Variants in PLEKHM1 observed in about 807,000 individuals in gnomAD.
The protein encoded by PLEKHM1 is pleckstrin homology domain-containing family M member 1.
A neutral mutation model predicts 94.3 loss-of-function variants in PLEKHM1; 28 were observed. The observed-to-expected ratio is 0.30, with a 90% confidence interval of 0.22 to 0.41. The LOEUF is 0.41. Ranked by LOEUF, PLEKHM1 falls within the 10% of genes least tolerant of loss-of-function variation. PLEKHM1 has a pLI of 1.00. For missense variants in PLEKHM1, 907 were observed against 1,358.6 expected (o/e 0.67, Z 5.22); for synonymous variants, 424 against 581.2 (o/e 0.73, Z 3.89).
At chr17:45,439,318 G>A (rs2050365448) in intron 11 of PLEKHM1, among the ~76,000 whole-genome samples, 159 bp downstream of exon 11, 1 of 152,232 alleles carries the variant, frequency 6.6e-6, no homozygotes, top group Non-Finnish European at 1.5e-5. Flanking sequence ...CAGAGCATGG[G>A]CTGCCCCAAC....
At position 45,437,365 on chromosome 17, in the gene PLEKHM1, C is replaced by T. The variant is rs1368010571; in HGVS notation, c.*493G>A. 1 of 454,138 alleles carries T rather than the reference C, an allele frequency of 2.2e-6. No individual in the cohort carries two copies. Among genetic ancestry groups the T allele is most frequent in the Admixed American group, 2.3e-5 (1 of 42,568 alleles). The allele number at this position is 454,138 out of a possible 1,614,324, so 28.1% of individuals were successfully genotyped here. ...CCTCTAAGCCAGGCCTGAGTGGCTC[C>T]TGTGCATCCGCTGGGGGTGAGAATG... On this transcript the variant is annotated 3_prime_UTR_variant, in exon 12 of 12. Transcript: ENST00000430334. This position sits in a 1 kb window ranked among gnomAD's most constrained non-coding sequence, Gnocchi z 4.0.
chr17:45,475,446 A>T lies in PLEKHM1; in HGVS notation c.577T>A (p.Leu193Met). 6.5e-7 allele frequency: 1 copy of T among 1,529,920 alleles called. No homozygotes were observed. The highest frequency in any genetic ancestry group is 9.1e-7 in the Non-Finnish European group (1 of 1,104,174). The allele number at this position is 1,529,920 out of a possible 1,614,324, so 94.8% of individuals were successfully genotyped here. A position where few individuals can be genotyped will look rare whatever the true frequency, so the allele number is the denominator to read the frequency against. ...AILNEWTLTP[L>M]ALSGLCPLSE... ...AGCGGGCAAAGCCCAGACAGGGCCAATGGGGTGAGCGTCCACTCATTTAAG... is the reference window on the plus strand; with the variant it reads ...AGCGGGCAAAGCCCAGACAGGGCCATTGGGGTGAGCGTCCACTCATTTAAG... The change falls in exon 4 of 12, where the codon TTG becomes ATG. Residue 193 changes from leucine to methionine, a missense_variant. Coordinates refer to ENST00000430334, the MANE Select transcript of PLEKHM1 (RefSeq NM_014798.3).
At chr17:45,439,158 C>T (rs2050361344) in intron 11 of PLEKHM1, among the ~76,000 whole-genome samples, 1 of 152,226 alleles carries the variant, frequency 6.6e-6, no homozygotes, top group Admixed American at 6.5e-5. Flanking sequence ...CCCTCCTCAA[C>T]CCATGCATAC....
rs760190921 is a variant in PLEKHM1, at chr17:45,468,544, C to T, written c.973G>A (p.Gly325Arg). Residue 325 changes from glycine to arginine, a missense_variant, in exon 5 of 12, where the codon GGA (glycine) becomes AGA (arginine). By Grantham distance (125) the Gly-to-Arg change is moderately radical. Transcript: ENST00000430334. The stretch of plus-strand genomic sequence containing the variant: ...GGGATCTCTGTTTCTTGGCTCAGTC[C>T]GTTGGTTGGCACAGAGTTTACCTGG... The part of the protein sequence containing the change: ...KAQVNSVPTN[G>R]LSQETEIPTP... 15 of 1,614,024 alleles carry T rather than the reference C, an allele frequency of 9.3e-6. No homozygotes were observed. The highest frequency in any genetic ancestry group is 1.3e-5 in the African/African-American group (1 of 74,896).
chr17:45,438,979 G>A (rs1451786419), intron 11 of PLEKHM1, among the ~76,000 whole-genome samples: 1 of 152,252 alleles, frequency 6.6e-6, no homozygotes, highest in Admixed American at 6.5e-5. Context: ...ATGGGTTGCA[G>A]GAAGGTCTGG....
At chr17:45,434,752 CT>C (rs2145137663), downstream of PLEKHM1, among the ~76,000 whole-genome samples, 1 of 152,158 alleles carries the variant, frequency 6.6e-6, no homozygotes, top group Admixed American at 6.5e-5. Context: ...GGTACATCAG[CT>C]ATTATGACTA....
chr17:45,438,064 G>A (rs1215153616), intron 11 of PLEKHM1, 95 bp from the exon 12 acceptor site: 9 of 877,528 alleles, frequency 1.0e-5, no homozygotes, highest in East Asian at 5.1e-5. Flanking sequence ...CCCACGATAC[G>A]GCTGTGATGT....
chr17:45,472,105 G>A (rs2051532314), intron 4 of PLEKHM1, among the ~76,000 whole-genome samples: 1 of 151,832 alleles, frequency 6.6e-6, no homozygotes. Context: ...AGGAATTTAT[G>A]TCTAATTTAA....
intron 8 of PLEKHM1, among the ~76,000 whole-genome samples, chr17:45,450,058 C>T (rs2050729924): frequency 6.6e-6 from 1 of 150,440 alleles, no homozygotes; most frequent in Non-Finnish European, 1.5e-5. Context: ...ACCATCTGCT[C>T]ATCCACCTAA....
In PLEKHM1 at chr17:45,444,350, C is replaced by T. The variant is rs146293243; in HGVS notation, c.2837+1120G>A. On this transcript the variant is annotated intron_variant, in intron 9 of 11. Transcript: ENST00000430334. The surrounding 1 kb of genome is among the most constrained non-coding windows in gnomAD (Gnocchi z 5.0). ...AGCCCTGGGAAGACTGCAGCCTGGG[C>T]GTGACCTGAGGACTAGGAAGCGTTT... Among the ~76,000 whole-genome samples the T allele has an allele frequency of 2.0e-5, 3 of 152,286 alleles. No individual in the cohort carries two copies. Among genetic ancestry groups the T allele is most frequent in the South Asian group, 2.1e-4 (1 of 4,824 alleles).
chr17:45,486,350 A>G (rs1214485257), intron 1 of PLEKHM1, among the ~76,000 whole-genome samples: 1 of 151,648 alleles, frequency 6.6e-6, no homozygotes, highest in Non-Finnish European at 1.5e-5. Context: ...TGGGAGGCCG[A>G]GGCGGGTGGA....
intron 1 of PLEKHM1, among the ~76,000 whole-genome samples, chr17:45,488,228 A>C (rs1210062851): frequency 6.6e-6 from 1 of 152,146 alleles, no homozygotes; most frequent in African/African-American, 2.4e-5. Flanking sequence ...AGTATCACCC[A>C]GCTTTCCTGT....
intron 2 of PLEKHM1, among the ~76,000 whole-genome samples, chr17:45,481,860 A>G (rs572871464): frequency 7.9e-5 from 12 of 152,278 alleles, no homozygotes; most frequent in Admixed American, 3.3e-4. Context: ...CCCGAAAGCC[A>G]TCTCAGGATG....
chr17:45,439,968 C>T, intron 10 of PLEKHM1, 195 bp downstream of exon 10: 1 of 648,798 alleles, frequency 1.5e-6, no homozygotes, highest in Non-Finnish European at 2.7e-6. Flanking sequence ...CTTGTTTATT[C>T]CAGGGGTGCT....
At chr17:45,440,099 T>G (rs766368918) in intron 10 of PLEKHM1, 64 bp downstream of exon 10, 6 of 1,448,410 alleles carry the variant, frequency 4.1e-6, no homozygotes, top group Non-Finnish European at 5.8e-6. Flanking sequence ...CCATCTTCCT[T>G]GCTGACTTCT....
At chr17:45,473,641 C>T (rs2051595265) in intron 4 of PLEKHM1, among the ~76,000 whole-genome samples, 1 of 151,880 alleles carries the variant, frequency 6.6e-6, no homozygotes, top group Admixed American at 6.6e-5. Context: ...TCACTGCAAG[C>T]TCCGCCTCCT....
At chr17:45,477,297 G>A (rs909843112) in intron 3 of PLEKHM1, 6 of 166,244 alleles carry the variant, frequency 3.6e-5, no homozygotes, top group Admixed American at 2.8e-4. Context: ...AGCTGGGCGT[G>A]ATGGTGCGCG....
Position 45,458,341 on chromosome 17 carries a change from C to A in PLEKHM1, c.1407G>T (p.Gly469=), listed in dbSNP as rs1395518663. ...GGAGACCAGGCCTTGACCCTGGAGTCCCCCTGTAAGAAGCTATTGGGTGGT... is the reference window on the plus strand; with the variant it reads ...GGAGACCAGGCCTTGACCCTGGAGTACCCCTGTAAGAAGCTATTGGGTGGT... ...ASDHPIASYR[G]TPGSRPGLHR... is the part of the protein sequence containing the mutation. Residue 469 remains glycine (G), a synonymous_variant, in exon 6 of 12, where the codon GGG becomes GGT. Coordinates refer to ENST00000430334, the MANE Select transcript of PLEKHM1 (RefSeq NM_014798.3). The A allele has an allele frequency of 6.2e-7, 1 of 1,613,954 alleles. No homozygotes were observed. The highest frequency in any genetic ancestry group is 1.1e-5 in the South Asian group (1 of 91,078).
chr17:45,468,381 T>C lies in PLEKHM1; in HGVS notation c.1136A>G (p.Gln379Arg). ...CTGTAAGTCCAGGGGGCTGGGCGCC[T>C]GGGGACGCGGCTCCTGCACGTGGAC... is the stretch of plus-strand genomic sequence containing the variant. Reference protein sequence around the residue: ...DGVHVQEPRPQAPSPLDLQQP... With the variant: ...DGVHVQEPRPRAPSPLDLQQP... Residue 379 changes from glutamine (Q) to arginine (R), a missense_variant, in exon 5 of 12, where the codon CAG (glutamine) becomes CGG (arginine). By Grantham distance (43) the Gln-to-Arg change is conservative (BLOSUM62 1). Around this residue, in one of 3 missense-constraint regions of PLEKHM1, gnomAD observed 477 missense variants for 601.5 expected, o/e 0.79. Transcript: ENST00000430334. The C allele has an allele frequency of 1.2e-6, 2 of 1,614,142 alleles. No individual in the cohort carries two copies. Among genetic ancestry groups the C allele is most frequent in the Non-Finnish European group, 8.5e-7 (1 of 1,180,018 alleles).
Sources: allele counts gnomAD v4.1 joint callset (sites outside exome capture counted in the v4.1 genomes callset), GRCh38; gene constraint gnomAD v4.1.1; regional missense constraint gnomAD v4.1.1; non-coding constraint Gnocchi (gnomAD v3.1); transcripts MANE v1.5; gene names NCBI Gene and HGNC (gene_info 2026-07-23, HGNC 2026-07-21).